KCNH5: variants seen among roughly 807,000 people sequenced by gnomAD.
The protein encoded by KCNH5 is voltage-gated delayed rectifier potassium channel KCNH5.
KCNH5 carries 46 observed loss-of-function variants against 96.1 expected under a neutral mutation model. The observed-to-expected ratio is 0.48, with a 90% CI of 0.38 to 0.61. KCNH5 has a LOEUF of 0.61. KCNH5 is among the 20% of genes least tolerant of loss of function. The probability of loss-of-function intolerance (pLI) is 0.00; values close to 1 mark genes in which losing one functional copy is unlikely to be tolerated. For missense variants in KCNH5, 907 were observed against 1,225.8 expected, an observed-to-expected ratio of 0.74 and a Z score of 3.88; for synonymous variants, 439 against 449.8, an observed-to-expected ratio of 0.98 and a Z score of 0.30.
intron 7 of KCNH5, among the ~76,000 whole-genome samples, chr14:62,921,759 T>C (rs1382317034): frequency 2.0e-5 from 3 of 152,022 alleles, no homozygotes; most frequent in Non-Finnish European, 2.9e-5. Flanking sequence ...GCTCTTGGGG[T>C]TCACCAGCCT....
At chr14:62,788,684 A>C (rs1165769592) in intron 9 of KCNH5, among the ~76,000 whole-genome samples, 1 of 152,118 alleles carries the variant, frequency 6.6e-6, no homozygotes, top group Non-Finnish European at 1.5e-5. Flanking sequence ...AGCAACCACC[A>C]ATCTGATCAG....
intron 7 of KCNH5, among the ~76,000 whole-genome samples, chr14:62,873,104 C>A (rs1440698544): frequency 2.0e-5 from 3 of 149,350 alleles, no homozygotes; most frequent in Non-Finnish European, 4.4e-5. Flanking sequence ...GAGCCAAGAT[C>A]GCGCCACTGC....
At chr14:62,850,958 C>A (rs770215465) in intron 7 of KCNH5, among the ~76,000 whole-genome samples, 7 of 152,120 alleles carry the variant, frequency 4.6e-5, no homozygotes, top group Non-Finnish European at 1.0e-4. Flanking sequence ...TAGACTGTTT[C>A]ACTTTGCAGT....
intron 10 of KCNH5, among the ~76,000 whole-genome samples, chr14:62,710,962 G>A (rs1331290356): frequency 6.6e-6 from 1 of 152,116 alleles, no homozygotes; most frequent in Non-Finnish European, 1.5e-5. Flanking sequence ...AATAGACAAG[G>A]ACATTCCTAT....
At chr14:62,986,972 T>G in intron 5 of KCNH5, 100 bp downstream of exon 5, 2 of 766,564 alleles carry the variant, frequency 2.6e-6, no homozygotes, top group Non-Finnish European at 4.5e-6. Context: ...AGCTAAGTAT[T>G]TATAAGATCA....
intron 7 of KCNH5, among the ~76,000 whole-genome samples, chr14:62,884,923 A>C (rs1310134934): frequency 1.3e-5 from 2 of 152,230 alleles, no homozygotes; most frequent in African/African-American, 4.8e-5. Context: ...CTTTAAATAC[A>C]ACATAGCAAA....
intron 7 of KCNH5, among the ~76,000 whole-genome samples, chr14:62,861,222 T>C (rs1294767459): frequency 1.3e-5 from 2 of 152,132 alleles, no homozygotes; most frequent in South Asian, 2.1e-4. Flanking sequence ...GACTGACTTA[T>C]TTTGCCGCTG....
At chr14:62,887,991 A>G (rs1010194772) in intron 7 of KCNH5, among the ~76,000 whole-genome samples, 1 of 152,190 alleles carries the variant, frequency 6.6e-6, no homozygotes, top group African/African-American at 2.4e-5. Context: ...GTCTCCCTTT[A>G]TAAATCTTTT....
At chr14:63,007,898 ATT>A (rs761348145) in intron 2 of KCNH5, among the ~76,000 whole-genome samples, 111 of 152,238 alleles carry the variant, frequency 7.3e-4, no homozygotes, top group Non-Finnish European at 1.2e-3. Context: ...GACATTCTCT[ATT>A]TTTCTAAGAG....
intron 8 of KCNH5, among the ~76,000 whole-genome samples, chr14:62,835,278 T>G (rs1438030706): frequency 6.6e-6 from 1 of 151,984 alleles, no homozygotes; most frequent in East Asian, 1.9e-4. Flanking sequence ...TTTACATTGA[T>G]TTTCATTTTA....
intron 5 of KCNH5, among the ~76,000 whole-genome samples, chr14:62,981,691 G>T (rs1349077783): frequency 1.3e-5 from 2 of 152,152 alleles, no homozygotes; most frequent in South Asian, 4.1e-4. Context: ...CTGGACCCCG[G>T]CATCCCACTG....
At chr14:62,873,022 C>T (rs529867012) in intron 7 of KCNH5, among the ~76,000 whole-genome samples, 1 of 151,252 alleles carries the variant, frequency 6.6e-6, no homozygotes, top group South Asian at 2.1e-4. Context: ...TGGTGGCGGG[C>T]GCCTGTAGTC....
chr14:63,006,350 T>C lies in KCNH5; in HGVS notation c.304+16A>G, dbSNP rs1891124965. The C allele has an allele frequency of 6.8e-7, 1 of 1,480,834 alleles. No homozygotes were observed. The highest frequency in any genetic ancestry group is 1.1e-5 in the South Asian group (1 of 87,568). The allele number at this position is 1,480,834 out of a possible 1,614,324, so 91.7% of individuals were successfully genotyped here. On this transcript the variant is annotated intron_variant, in intron 3 of 10. Transcript: ENST00000322893. The stretch of plus-strand genomic sequence containing the variant: ...ATAAAGAGTTGGCACATCTTATTAA[T>C]AATTGAGATACCTACTGTTTTTCTT...
chr14:62,894,422 A>C (rs1888771280), intron 7 of KCNH5, among the ~76,000 whole-genome samples: 1 of 152,316 alleles, frequency 6.6e-6, no homozygotes, highest in Middle Eastern at 3.4e-3. Flanking sequence ...CAAGCAATTT[A>C]AGTGTTTTCT....
chr14:62,909,083 T>A (rs1465724467), intron 7 of KCNH5, among the ~76,000 whole-genome samples: 1 of 126,864 alleles, frequency 7.9e-6, no homozygotes, highest in African/African-American at 3.1e-5. Context: ...TCTCGCTCTG[T>A]CGCCCAGGCT....
intron 3 of KCNH5, among the ~76,000 whole-genome samples, chr14:63,003,330 G>A (rs1891045833): frequency 6.7e-6 from 1 of 149,012 alleles, no homozygotes; most frequent in Non-Finnish European, 1.5e-5. Context: ...AGTCTGGGAG[G>A]GTTAAGTAGA....
chr14:62,753,529 C>T (rs564008169), intron 10 of KCNH5, among the ~76,000 whole-genome samples: 1 of 152,118 alleles, frequency 6.6e-6, no homozygotes, highest in Admixed American at 6.5e-5. Context: ...AAGAAAACTA[C>T]CTCAATGCAT....
chr14:62,944,199 G>C (rs563976029), intron 7 of KCNH5, among the ~76,000 whole-genome samples: 2 of 152,098 alleles, frequency 1.3e-5, no homozygotes, highest in Non-Finnish European at 2.9e-5. Flanking sequence ...CCTAGGAATC[G>C]GGATTGTTGC....
chr14:63,002,486 A>T (rs1891029148), intron 3 of KCNH5, among the ~76,000 whole-genome samples: 1 of 152,166 alleles, frequency 6.6e-6, no homozygotes, highest in Non-Finnish European at 1.5e-5. Flanking sequence ...GCCCCTCCAA[A>T]TATTCTATTT....
Sources: gnomAD v4.1 joint callset for allele counts (sites outside exome capture counted in the v4.1 genomes callset) on GRCh38, gnomAD v4.1.1 for gene constraint, MANE v1.5 for transcripts, NCBI Gene and HGNC (gene_info 2026-07-23, HGNC 2026-07-21) for gene names.